Variants in RAP1GDS1 observed in about 807,000 individuals in gnomAD.
The protein encoded by RAP1GDS1 is RAP1, GTP-GDP dissociation stimulator 1.
A neutral mutation model predicts 71.1 loss-of-function variants in RAP1GDS1; 35 were observed. The observed-to-expected ratio is 0.49, with a 90% CI of 0.38 to 0.65. The LOEUF (loss-of-function observed/expected upper bound fraction) is 0.65. Among genes scored for constraint, RAP1GDS1 ranks in the 30% least tolerant of loss-of-function variants. The pLI is 0.00. For synonymous variants in RAP1GDS1, 229 were observed against 243.1 expected (o/e 0.94, Z 0.54); for missense variants, 663 against 706.1 (o/e 0.94, Z 0.69).
chr4:98,418,299 C>T (rs1460967169), intron 9 of RAP1GDS1, among the ~76,000 whole-genome samples: 1 of 152,082 alleles, frequency 6.6e-6, no homozygotes, highest in Non-Finnish European at 1.5e-5. Context: ...GCCATGATAG[C>T]AAAAGGTAGA....
chr4:98,431,453 A>G (rs1258982924), intron 12 of RAP1GDS1, among the ~76,000 whole-genome samples: 1 of 152,278 alleles, frequency 6.6e-6, no homozygotes, highest in Non-Finnish European at 1.5e-5. Context: ...TGAAATTGTT[A>G]GCATGGATAA....
intron 2 of RAP1GDS1, among the ~76,000 whole-genome samples, chr4:98,332,263 C>A (rs1444755650): frequency 6.6e-6 from 1 of 152,168 alleles, no homozygotes; most frequent in East Asian, 1.9e-4. Flanking sequence ...GTACCTTGAG[C>A]AGGGGAACAC....
At chr4:98,315,246 CCTCT>C (rs1204329182) in intron 2 of RAP1GDS1, among the ~76,000 whole-genome samples, 2 of 152,122 alleles carry the variant, frequency 1.3e-5, no homozygotes, top group Admixed American at 1.3e-4. Context: ...AATTTATTAA[CCTCT>C]CTCTGTCTCT....
chr4:98,402,558 A>T (rs1385825712), intron 6 of RAP1GDS1, among the ~76,000 whole-genome samples: 1 of 152,132 alleles, frequency 6.6e-6, no homozygotes, highest in Non-Finnish European at 1.5e-5. Flanking sequence ...AAAGTCTTGG[A>T]GTGGATTTTT....
chr4:98,323,513 A>G (rs1301559246), intron 2 of RAP1GDS1, among the ~76,000 whole-genome samples: 30 of 139,428 alleles, frequency 2.2e-4, no homozygotes, highest in East Asian at 8.4e-4. Context: ...CATTGATGCA[A>G]AAATCCTCAA....
chr4:98,394,104 A>G (rs1744155793), intron 6 of RAP1GDS1, among the ~76,000 whole-genome samples: 1 of 152,186 alleles, frequency 6.6e-6, no homozygotes, highest in African/African-American at 2.4e-5. Context: ...AAAAGTCAGT[A>G]CAAAGTAAGG....
chr4:98,329,903 A>G (rs371109524), intron 2 of RAP1GDS1, among the ~76,000 whole-genome samples: 8 of 150,402 alleles, frequency 5.3e-5, no homozygotes, highest in African/African-American at 2.0e-4. Context: ...ATACATATAT[A>G]TTTCCTTATA....
intron 4 of RAP1GDS1, among the ~76,000 whole-genome samples, chr4:98,373,760 A>G (rs952977945): frequency 1.3e-5 from 2 of 152,198 alleles, no homozygotes; most frequent in African/African-American, 4.8e-5. Flanking sequence ...TAGGCATGGT[A>G]AGAGATTAAT....
chr4:98,352,050 A>G (rs1204169021), intron 3 of RAP1GDS1, among the ~76,000 whole-genome samples: 2 of 151,190 alleles, frequency 1.3e-5, no homozygotes, highest in Non-Finnish European at 2.9e-5. Flanking sequence ...TTAGAAAACA[A>G]AGTGAAAAAT....
chr4:98,417,567 A>G, intron 9 of RAP1GDS1, 69 bp downstream of exon 9: 1 of 1,484,788 alleles, frequency 6.7e-7, no homozygotes, highest in Non-Finnish European at 9.3e-7. Context: ...TTGCTACCAC[A>G]TATACTAAAA....
chr4:98,384,789 G>A (rs1195101341), intron 5 of RAP1GDS1, among the ~76,000 whole-genome samples: 2 of 151,544 alleles, frequency 1.3e-5, no homozygotes, highest in Non-Finnish European at 3.0e-5. Flanking sequence ...AATTATTATA[G>A]TCTTTTTGTC....
chr4:98,308,890 A>G (rs988584939), intron 2 of RAP1GDS1, among the ~76,000 whole-genome samples: 3 of 152,170 alleles, frequency 2.0e-5, no homozygotes, highest in Non-Finnish European at 1.5e-5. Context: ...AAAGTTTTCA[A>G]AGCTACATTC....
Position 98,286,213 on chromosome 4 carries a change from C to T in RAP1GDS1, c.5-7195C>T, listed in dbSNP as rs78443315. 3.8e-3 allele frequency among the ~76,000 whole-genome samples: 575 copies of T among 150,608 alleles called. 6 individuals carry two copies. Among genetic ancestry groups the T allele is most frequent in the African/African-American group, 0.013 (550 of 40,958 alleles). ...CCAGGAAGTTAAGGTTGCAGTGAGC[C>T]ATTATTGTGCCACTGCACTCCAGCC... On this transcript the variant is annotated intron_variant, in intron 1 of 14. Transcript: ENST00000408927.
intron 4 of RAP1GDS1, among the ~76,000 whole-genome samples, chr4:98,378,575 C>T (rs966372613): frequency 1.3e-5 from 2 of 151,774 alleles, no homozygotes; most frequent in Admixed American, 6.6e-5. Context: ...TGGTTTTCTT[C>T]GATAATAGCT....
rs78524847 is a variant in RAP1GDS1, at chr4:98,382,909, G to A, written c.508+3746G>A. On this transcript the variant is annotated intron_variant, in intron 5 of 14. Transcript: ENST00000408927. ...TGATACATGGTGGCAGCAGTAAGGG[G>A]CATTGAAAACACACTGGTAGTAACA... Among the ~76,000 whole-genome samples the A allele has an allele frequency of 2.6e-5, 4 of 151,704 alleles. No homozygotes were observed. The East Asian group carries it at 5.8e-4, about 22-fold the overall frequency.
rs540688877 is a variant in RAP1GDS1 at position 98,280,850 on chromosome 4, C to T, written c.5-12558C>T. 1.6e-4 allele frequency among the ~76,000 whole-genome samples: 24 copies of T among 152,264 alleles called. No individual in the cohort carries two copies. The East Asian group carries it at 4.0e-3, about 26-fold the overall frequency. On this transcript the variant is annotated intron_variant, in intron 1 of 14. Transcript: ENST00000408927. ...TATGGCTAGCCAGTTTTCCCAGCAC[C>T]GTTTATTAAATAGGGAATCCTTTCC...
At chr4:98,366,029 A>G (rs6826075) in intron 4 of RAP1GDS1, among the ~76,000 whole-genome samples, 300 of 152,318 alleles carry the variant, frequency 2.0e-3, no homozygotes, top group African/African-American at 7.1e-3. Flanking sequence ...AAGTAAATAC[A>G]AGTGGTGGTT....
intron 14 of RAP1GDS1, among the ~76,000 whole-genome samples, chr4:98,438,451 A>G (rs1376273197): frequency 2.6e-5 from 4 of 151,064 alleles, no homozygotes; most frequent in Non-Finnish European, 5.9e-5. Context: ...CATTTAATGG[A>G]TGACTGATAT....
At chr4:98,376,611 C>T (rs1407095446) in intron 4 of RAP1GDS1, among the ~76,000 whole-genome samples, 1 of 151,948 alleles carries the variant, frequency 6.6e-6, no homozygotes, top group Non-Finnish European at 1.5e-5. Context: ...AATGCTTTTA[C>T]TGTGTTTCTC....
Sources: gnomAD v4.1 joint callset for allele counts (sites outside exome capture counted in the v4.1 genomes callset) on GRCh38, gnomAD v4.1.1 for gene constraint, MANE v1.5 for transcripts, NCBI Gene and HGNC (gene_info 2026-07-23, HGNC 2026-07-21) for gene names.